ZNF804A: variants seen among roughly 807,000 people sequenced by gnomAD.
ZNF804A encodes zinc finger protein 804A.
Under a neutral mutation model 16.5 loss-of-function variants are expected in ZNF804A, and 2 were observed. The ratio of observed to expected loss-of-function variants is 0.12; its 90% CI spans 0.05 to 0.38. The LOEUF (loss-of-function observed/expected upper bound fraction) is 0.38, where lower values mean the gene tolerates loss of function less well. Among genes scored for constraint, ZNF804A ranks in the 10% least tolerant of loss-of-function variants. The pLI, the probability that ZNF804A is intolerant of heterozygous loss-of-function variation, is 0.99. For synonymous variants in ZNF804A, 534 were observed against 489.6 expected (o/e 1.09, Z -1.20); for missense variants, 1,473 against 1,390.7 (o/e 1.06, Z -0.94).
At chr2:184,619,163 C>A (rs1691378327) in intron 1 of ZNF804A, among the ~76,000 whole-genome samples, 1 of 151,950 alleles carries the variant, frequency 6.6e-6, no homozygotes. Context: ...GTTTCTTATT[C>A]TTTCGGTCTT....
chr2:184,930,298 AT>A (rs1685675674), intron 2 of ZNF804A, among the ~76,000 whole-genome samples: 1 of 152,202 alleles, frequency 6.6e-6, no homozygotes, highest in African/African-American at 2.4e-5. Context: ...ATATGATAAA[AT>A]TATAGCCATT....
chr2:184,850,236 A>C (rs1483921663), intron 1 of ZNF804A, among the ~76,000 whole-genome samples: 1 of 151,946 alleles, frequency 6.6e-6, no homozygotes, highest in African/African-American at 2.4e-5. Context: ...AAGGTTCCTA[A>C]CACAAAGAAA....
At chr2:184,823,613 G>A (rs1386975945) in intron 1 of ZNF804A, among the ~76,000 whole-genome samples, 1 of 152,060 alleles carries the variant, frequency 6.6e-6, no homozygotes, top group African/African-American at 2.4e-5. Flanking sequence ...CCATTAATGT[G>A]TGATATACGT....
At chr2:184,885,993 A>T (rs11904676) in intron 2 of ZNF804A, among the ~76,000 whole-genome samples, 49,380 of 151,872 alleles carry the variant, frequency 0.33, 10,710 homozygotes, top group African/African-American at 0.62. Context: ...TCCTGAAGTC[A>T]CAATTCATTT....
chr2:184,805,119 A>C (rs1694782830), intron 1 of ZNF804A, among the ~76,000 whole-genome samples: 1 of 152,172 alleles, frequency 6.6e-6, no homozygotes, highest in Non-Finnish European at 1.5e-5. Flanking sequence ...ATACTAATAA[A>C]CAAGAAACAT....
intron 1 of ZNF804A, among the ~76,000 whole-genome samples, chr2:184,604,699 AC>A (rs1239067130): frequency 6.6e-6 from 1 of 152,134 alleles, no homozygotes; most frequent in African/African-American, 2.4e-5. Flanking sequence ...TACTTAGGTT[AC>A]TTTCCTGACC....
At chr2:184,676,389 A>G (rs1487952941) in intron 1 of ZNF804A, among the ~76,000 whole-genome samples, 1 of 151,626 alleles carries the variant, frequency 6.6e-6, no homozygotes, top group African/African-American at 2.4e-5. Context: ...ACATATGCAT[A>G]CACACACACT....
chr2:184,813,576 G>A (rs1694931682), intron 1 of ZNF804A, among the ~76,000 whole-genome samples: 1 of 152,044 alleles, frequency 6.6e-6, no homozygotes, highest in African/African-American at 2.4e-5. Flanking sequence ...TAAGGGCAAG[G>A]CAGAGATCCT....
intron 1 of ZNF804A, among the ~76,000 whole-genome samples, chr2:184,810,085 T>C (rs1346475817): frequency 2.0e-5 from 3 of 152,148 alleles, no homozygotes; most frequent in African/African-American, 7.2e-5. Context: ...CTAAATCCAG[T>C]CTGAAATACT....
intron 2 of ZNF804A, among the ~76,000 whole-genome samples, chr2:184,930,465 A>G (rs1685679855): frequency 6.6e-6 from 1 of 152,212 alleles, no homozygotes; most frequent in African/African-American, 2.4e-5. Flanking sequence ...GCATTCTTGA[A>G]ATATCTTTGT....
intron 1 of ZNF804A, among the ~76,000 whole-genome samples, chr2:184,864,612 A>G (rs954503225): frequency 5.9e-5 from 9 of 152,196 alleles, no homozygotes; most frequent in African/African-American, 2.2e-4. Flanking sequence ...GAACTTTACT[A>G]TATGTGATGT....
intron 2 of ZNF804A, among the ~76,000 whole-genome samples, chr2:184,893,454 T>C (rs2105823487): frequency 6.6e-6 from 1 of 152,224 alleles, no homozygotes; most frequent in South Asian, 2.1e-4. Context: ...GTATATCATA[T>C]AATCATTTTT....
Position 184,897,421 on chromosome 2 carries a change from C to G in ZNF804A, c.255+30909C>G, listed in dbSNP as rs116619854. ...ACAGCAATTTTTGGATTTTTCCCCC[C>G]CTTTTTTCCCCTTTCCATACAGCAA... On this transcript the variant is annotated intron_variant, in intron 2 of 3. Transcript: ENST00000302277. Among the ~76,000 whole-genome samples the G allele has an allele frequency of 7.9e-3, 1,194 of 151,298 alleles. 14 individuals carry two copies. The highest frequency in any genetic ancestry group is 0.058 in the Middle Eastern group (17 of 292).
chr2:184,792,989 G>C (rs1271054997), intron 1 of ZNF804A, among the ~76,000 whole-genome samples: 2 of 151,974 alleles, frequency 1.3e-5, no homozygotes, highest in Non-Finnish European at 2.9e-5. Flanking sequence ...ATATGTGCTT[G>C]TTGTTTATCC....
intron 1 of ZNF804A, among the ~76,000 whole-genome samples, chr2:184,633,615 G>T (rs1457159880): frequency 6.6e-6 from 1 of 152,100 alleles, no homozygotes; most frequent in Non-Finnish European, 1.5e-5. Flanking sequence ...AGGATAAAAA[G>T]TTCCACTTAA....
At chr2:184,694,544 A>G (rs569032786) in intron 1 of ZNF804A, among the ~76,000 whole-genome samples, 13 of 152,318 alleles carry the variant, frequency 8.5e-5, no homozygotes, top group African/African-American at 2.9e-4. Context: ...CAGTTTTGAA[A>G]CATTTTAAAT....
At chr2:184,813,781 A>G (rs971806455) in intron 1 of ZNF804A, among the ~76,000 whole-genome samples, 6 of 151,982 alleles carry the variant, frequency 3.9e-5, no homozygotes, top group African/African-American at 1.4e-4. Context: ...CACCCCTATG[A>G]CAACCATTCA....
intron 2 of ZNF804A, among the ~76,000 whole-genome samples, chr2:184,894,449 T>G (rs1181474917): frequency 6.6e-6 from 1 of 152,114 alleles, no homozygotes; most frequent in African/African-American, 2.4e-5. Context: ...ATTTTTTTAT[T>G]AACGTATTTT....
chr2:184,651,645 A>C (rs1691985802), intron 1 of ZNF804A, among the ~76,000 whole-genome samples: 1 of 152,158 alleles, frequency 6.6e-6, no homozygotes, highest in Admixed American at 6.6e-5. Flanking sequence ...AGGAACAGAC[A>C]CTACTCAAAA....
Sources: gnomAD v4.1 joint callset for allele counts (sites outside exome capture counted in the v4.1 genomes callset) on GRCh38, gnomAD v4.1.1 for gene constraint, MANE v1.5 for transcripts, NCBI Gene and HGNC (gene_info 2026-07-23, HGNC 2026-07-21) for gene names.